Variants in EYA1 observed in about 807,000 individuals in gnomAD.
EYA1 encodes EYA transcriptional coactivator and phosphatase 1.
A neutral mutation model predicts 82.0 loss-of-function variants in EYA1; 16 were observed. The ratio of observed to expected loss-of-function variants is 0.20; its 90% CI spans 0.13 to 0.30. The LOEUF (loss-of-function observed/expected upper bound fraction) is 0.30, where lower values mean the gene tolerates loss of function less well. Ranked by LOEUF, EYA1 falls within the 10% of genes least tolerant of loss-of-function variation. The probability of loss-of-function intolerance (pLI) is 1.00; values close to 1 mark genes in which losing one functional copy is unlikely to be tolerated. For synonymous variants in EYA1, 261 were observed against 264.4 expected (o/e 0.99, Z 0.12); for missense variants, 633 against 730.7 (o/e 0.87, Z 1.54).
chr8:71,221,152 C>CGCTT (rs1488567105), intron 12 of EYA1, among the ~76,000 whole-genome samples: 1 of 152,132 alleles, frequency 6.6e-6, no homozygotes, highest in African/African-American at 2.4e-5. Context: ...CCTGGTCCAC[C>CGCTT]GCTTGTCCTT....
At chr8:71,541,337 C>T (rs1815121682) in intron 1 of EYA1, among the ~76,000 whole-genome samples, 1 of 152,174 alleles carries the variant, frequency 6.6e-6, no homozygotes, top group African/African-American at 2.4e-5. Flanking sequence ...TTTACTGGTA[C>T]TGCTGATTTA....
chr8:71,387,527 C>T (rs1030620369), intron 2 of EYA1, among the ~76,000 whole-genome samples: 10 of 151,982 alleles, frequency 6.6e-5, no homozygotes, highest in South Asian at 2.1e-4. Context: ...TGAGAGAAAA[C>T]GGAGAGATCT....
intron 4 of EYA1, among the ~76,000 whole-genome samples, chr8:71,323,658 GC>G (rs1822831483): frequency 1.3e-5 from 2 of 152,324 alleles, no homozygotes; most frequent in South Asian, 4.1e-4. Flanking sequence ...GAGATGGCAA[GC>G]CGGCCCAGCT....
In EYA1 at chr8:71,530,551, A is replaced by G. The variant is rs187987070; in HGVS notation, c.33+5193T>C. On this transcript the variant is annotated intron_variant, in intron 2 of 18. Transcript: ENST00000643681. The stretch of plus-strand genomic sequence containing the variant: ...TCTAAAAGTTTCACTTACATAAAAT[A>G]TCTCACTTGGGGTGAAGCTGAATAA... Among the ~76,000 whole-genome samples, 23 of 152,366 alleles carry G rather than the reference A, an allele frequency of 1.5e-4. No individual in the cohort carries two copies. The East Asian group carries it at 4.0e-3, about 27-fold the overall frequency.
At chr8:71,449,059 T>C (rs752388772) in intron 2 of EYA1, 7 of 166,494 alleles carry the variant, frequency 4.2e-5, no homozygotes, top group Non-Finnish European at 1.0e-4. Context: ...CAAGTACGTG[T>C]TTTTCGACAG....
At chr8:71,271,733 C>A in intron 10 of EYA1, 25 bp downstream of exon 10, 1 of 1,614,100 alleles carries the variant, frequency 6.2e-7, no homozygotes, top group Non-Finnish European at 8.5e-7. Flanking sequence ...CCTTTCTATT[C>A]ACTTGGGTGT....
At chr8:71,203,376 T>C (rs1234600165) in intron 17 of EYA1, among the ~76,000 whole-genome samples, 1 of 152,124 alleles carries the variant, frequency 6.6e-6, no homozygotes, top group Non-Finnish European at 1.5e-5. Flanking sequence ...ATATAACTGA[T>C]GAAACAATTT....
intron 17 of EYA1, among the ~76,000 whole-genome samples, chr8:71,208,008 G>A (rs1337457528): frequency 6.6e-6 from 1 of 152,044 alleles, no homozygotes; most frequent in Non-Finnish European, 1.5e-5. Context: ...TATTAAATTA[G>A]TATTAAAACT....
At chr8:71,473,353 CA>C (rs35494054) in intron 2 of EYA1, among the ~76,000 whole-genome samples, 24,443 of 86,566 alleles carry the variant, frequency 0.28, 3,175 homozygotes, top group East Asian at 0.54. Flanking sequence ...AACAAATTTA[CA>C]AAAAAAAAAA....
At chr8:71,517,482 A>G (rs770334993) in intron 2 of EYA1, among the ~76,000 whole-genome samples, 4 of 151,888 alleles carry the variant, frequency 2.6e-5, no homozygotes, top group Non-Finnish European at 4.4e-5. Flanking sequence ...TTCAAACCAA[A>G]AGAAATGACA....
chr8:71,337,576 A>G (rs537938045), intron 3 of EYA1, among the ~76,000 whole-genome samples: 11 of 152,330 alleles, frequency 7.2e-5, no homozygotes, highest in African/African-American at 2.6e-4. Context: ...CAGAGAATCC[A>G]GTTACCTACT....
intron 2 of EYA1, among the ~76,000 whole-genome samples, chr8:71,416,377 G>A (rs189482711): frequency 4.6e-5 from 7 of 152,240 alleles, no homozygotes; most frequent in East Asian, 3.9e-4. Context: ...TATTCAATGC[G>A]TTGCAGTTGT....
intron 2 of EYA1, among the ~76,000 whole-genome samples, chr8:71,412,432 A>G (rs1444496959): frequency 6.6e-6 from 1 of 151,534 alleles, no homozygotes; most frequent in African/African-American, 2.4e-5. Flanking sequence ...AAAATAAAAA[A>G]AAGAAATTGT....
Position 71,438,530 on chromosome 8 carries a change from T to G in EYA1, c.34-82019A>C, listed in dbSNP as rs150368764. Among the ~76,000 whole-genome samples, 1,171 of 152,238 alleles carry G rather than the reference T, an allele frequency of 7.7e-3. 14 individuals carry two copies. Among genetic ancestry groups the G allele is most frequent in the African/African-American group, 0.027 (1,110 of 41,548 alleles). ...AAGAATTACAGATACTTTAAATATT[T>G]AATAAGATTACACTGAGTGGCACAG... On this transcript the variant is annotated intron_variant, in intron 2 of 18. Coordinates refer to the EYA1 transcript ENST00000643681.
intron 2 of EYA1, among the ~76,000 whole-genome samples, chr8:71,401,836 C>T (rs1829975485): frequency 6.6e-6 from 1 of 152,296 alleles, no homozygotes; most frequent in Admixed American, 6.5e-5. Flanking sequence ...TTTTACTAAG[C>T]CCCACTTAAA....
At chr8:71,284,139 T>C (rs1312902792) in intron 9 of EYA1, among the ~76,000 whole-genome samples, 5 of 152,170 alleles carry the variant, frequency 3.3e-5, no homozygotes, top group Admixed American at 3.3e-4. Flanking sequence ...CAGCCTCTGA[T>C]GGGTACCTGC....
chr8:71,239,560 A>T (rs1812230481), intron 12 of EYA1, among the ~76,000 whole-genome samples: 1 of 152,214 alleles, frequency 6.6e-6, no homozygotes, highest in Non-Finnish European at 1.5e-5. Context: ...CAAGTATACC[A>T]GTCTGTGTAC....
At chr8:71,227,338 T>C (rs1749440941) in intron 12 of EYA1, among the ~76,000 whole-genome samples, 1 of 152,218 alleles carries the variant, frequency 6.6e-6, no homozygotes, top group South Asian at 2.1e-4. Flanking sequence ...TCCTTTCTTT[T>C]AGATCTATTA....
At chr8:71,258,369 C>T (rs1309863055) in intron 11 of EYA1, among the ~76,000 whole-genome samples, 1 of 152,154 alleles carries the variant, frequency 6.6e-6, no homozygotes, top group Non-Finnish European at 1.5e-5. Flanking sequence ...GGAGGTTTTG[C>T]GTGTGCAACT....
Sources: gnomAD v4.1 joint callset for allele counts (sites outside exome capture counted in the v4.1 genomes callset) on GRCh38, gnomAD v4.1.1 for gene constraint, MANE v1.5 for transcripts, NCBI Gene and HGNC (gene_info 2026-07-23, HGNC 2026-07-21) for gene names.